ZFHX3: variants seen among roughly 807,000 people sequenced by gnomAD.
ZFHX3 encodes zinc finger homeobox protein 3.
A neutral mutation model predicts 279.1 loss-of-function variants in ZFHX3; 42 were observed. The ratio of observed to expected loss-of-function variants is 0.15; its 90% CI spans 0.12 to 0.19. The LOEUF is 0.19. ZFHX3 is among the 10% of genes least tolerant of loss of function. ZFHX3 has a pLI of 1.00. For synonymous variants in ZFHX3, 2,293 were observed against 1,957.8 expected (o/e 1.17, Z -4.52); for missense variants, 4,981 against 4,754.0 (o/e 1.05, Z -1.40).
chr16:73,805,824 T>C (rs1960261928), intron 1 of ZFHX3, among the ~76,000 whole-genome samples: 1 of 151,822 alleles, frequency 6.6e-6, no homozygotes, highest in Non-Finnish European at 1.5e-5. Flanking sequence ...AGACAGAGGG[T>C]GATGGGGGTA....
intron 3 of ZFHX3, among the ~76,000 whole-genome samples, chr16:73,375,759 A>C (rs1214808080): frequency 1.3e-5 from 2 of 152,226 alleles, no homozygotes; most frequent in African/African-American, 4.8e-5. Flanking sequence ...GACACCCAAT[A>C]GTCCCAGGAA....
chr16:73,338,183 C>T (rs1227149174), intron 3 of ZFHX3, among the ~76,000 whole-genome samples: 1 of 152,120 alleles, frequency 6.6e-6, no homozygotes, highest in African/African-American at 2.4e-5. Flanking sequence ...AAATGTATGA[C>T]CACAAGTGTC....
At chr16:72,835,181 G>C (rs1039503034) in intron 4 of ZFHX3, among the ~76,000 whole-genome samples, 2 of 152,172 alleles carry the variant, frequency 1.3e-5, no homozygotes, top group African/African-American at 4.8e-5. Flanking sequence ...GTGAAATAAA[G>C]TGCGTTTGCC....
intron 2 of ZFHX3, among the ~76,000 whole-genome samples, chr16:73,478,388 G>C (rs533928502): frequency 6.6e-6 from 1 of 152,134 alleles, no homozygotes; most frequent in South Asian, 2.1e-4. Context: ...AGCTATCCAG[G>C]CTTCTTCCCT....
At chr16:73,304,000 G>T (rs1597273383) in intron 4 of ZFHX3, among the ~76,000 whole-genome samples, 3 of 146,808 alleles carry the variant, frequency 2.0e-5, no homozygotes, top group East Asian at 2.0e-4. Flanking sequence ...AGAAATGTAG[G>T]AAAGTCATCT....
intron 7 of ZFHX3, chr16:73,127,535 A>G: frequency 7.7e-7 from 1 of 1,305,474 alleles, no homozygotes; most frequent in Non-Finnish European, 1.0e-6. Context: ...GAATGCAGAG[A>G]TGGGAGGCTT....
intron 3 of ZFHX3, among the ~76,000 whole-genome samples, chr16:73,404,390 T>C (rs1293830575): frequency 6.6e-6 from 1 of 152,178 alleles, no homozygotes; most frequent in Non-Finnish European, 1.5e-5. Context: ...TTCTACTTCC[T>C]AAAACAGGGA....
At chr16:73,837,554 A>G (rs1851818143) in intron 1 of ZFHX3, among the ~76,000 whole-genome samples, 2 of 152,234 alleles carry the variant, frequency 1.3e-5, no homozygotes, top group South Asian at 4.1e-4. Flanking sequence ...AATCACTAAC[A>G]GCACAAGAAT....
chr16:72,918,154 G>A (rs1001247890), intron 3 of ZFHX3, among the ~76,000 whole-genome samples: 13 of 152,140 alleles, frequency 8.5e-5, no homozygotes, highest in African/African-American at 2.7e-4. Flanking sequence ...GTGAGGCCTC[G>A]CCAAAAGACC....
At position 72,970,744 on chromosome 16, in the gene ZFHX3, C is replaced by T. The variant is rs141557394; in HGVS notation, c.-49-10550G>A. 7.4e-3 allele frequency among the ~76,000 whole-genome samples: 1,125 copies of T among 152,260 alleles called. 9 individuals are homozygous for T. Among genetic ancestry groups the T allele is most frequent in the Non-Finnish European group, 9.3e-3 (633 of 68,012 alleles). On this transcript the variant is annotated intron_variant, in intron 1 of 9. Coordinates refer to ENST00000268489, the MANE Select transcript of ZFHX3 (RefSeq NM_006885.4). ...GCACTCAAGGCTTTTTCATCTCCTC[C>T]CAATTTCCTCAAAGTCCCTCTCCAA...
At chr16:73,494,275 A>C (rs1436849579) in intron 2 of ZFHX3, among the ~76,000 whole-genome samples, 1 of 152,214 alleles carries the variant, frequency 6.6e-6, no homozygotes, top group African/African-American at 2.4e-5. Context: ...TACGTAAAGC[A>C]AATGGCTGCA....
Position 72,958,370 on chromosome 16 carries a change from G to T in ZFHX3, c.1776C>A (p.Asp592Glu). The T allele has an allele frequency of 6.2e-7, 1 of 1,614,064 alleles. No individual in the cohort carries two copies. The highest frequency in any genetic ancestry group is 8.5e-7 in the Non-Finnish European group (1 of 1,179,984). The change falls in exon 2 of 10, where the codon GAC (aspartate) becomes GAA (glutamate). Residue 592 changes from aspartate (D) to glutamate (E), a missense_variant. Asp to Glu is a conservative substitution (Grantham distance 45, BLOSUM62 2). Coordinates refer to ENST00000268489, the MANE Select transcript of ZFHX3 (RefSeq NM_006885.4). ...AEGGRRLDFA[D>E]ESANKDNATA... ...TGGCATTGTCTTTATTGGCACTTTC[G>T]TCAGCGAAGTCCAGCCTCCTGCCGC...
At chr16:73,291,718 T>G (rs1321273433) in intron 4 of ZFHX3, among the ~76,000 whole-genome samples, 1 of 152,192 alleles carries the variant, frequency 6.6e-6, no homozygotes, top group African/African-American at 2.4e-5. Context: ...ATGCATTACC[T>G]AGAACCTGTC....
chr16:73,871,259 C>T (rs1388783191), intron 1 of ZFHX3, among the ~76,000 whole-genome samples: 1 of 152,198 alleles, frequency 6.6e-6, no homozygotes, highest in East Asian at 1.9e-4. Context: ...CAGGAATGAG[C>T]AGGCTATTAA....
intron 2 of ZFHX3, among the ~76,000 whole-genome samples, chr16:73,512,317 G>A (rs2019446073): frequency 6.7e-6 from 1 of 150,326 alleles, no homozygotes; most frequent in Non-Finnish European, 1.5e-5. Context: ...GCATGGTGGT[G>A]CGTGTCTGTA....
intron 4 of ZFHX3, among the ~76,000 whole-genome samples, chr16:73,269,480 T>G (rs73603337): frequency 0.028 from 4,253 of 152,332 alleles, 213 homozygotes; most frequent in African/African-American, 0.097. Flanking sequence ...TCCATCTATG[T>G]TCCCTTGTGT....
At chr16:73,505,146 G>A (rs572602181) in intron 2 of ZFHX3, among the ~76,000 whole-genome samples, 112 of 152,012 alleles carry the variant, frequency 7.4e-4, no homozygotes, top group Non-Finnish European at 1.5e-3. Context: ...CATGGTTACC[G>A]GACAGCGGAA....
chr16:73,323,959 C>T (rs2015630079), intron 3 of ZFHX3, among the ~76,000 whole-genome samples: 1 of 152,192 alleles, frequency 6.6e-6, no homozygotes, highest in Non-Finnish European at 1.5e-5. Context: ...AGAAACCTTC[C>T]ATGGGAGCCA....
intron 5 of ZFHX3, among the ~76,000 whole-genome samples, chr16:73,249,342 A>G (rs1308533137): frequency 6.6e-6 from 1 of 152,234 alleles, no homozygotes; most frequent in Non-Finnish European, 1.5e-5. Flanking sequence ...CATGCTGCTA[A>G]TAAAGACATA....
Sources: gnomAD v4.1 joint callset for allele counts (sites outside exome capture counted in the v4.1 genomes callset) on GRCh38, gnomAD v4.1.1 for gene constraint, MANE v1.5 for transcripts, NCBI Gene and HGNC (gene_info 2026-07-23, HGNC 2026-07-21) for gene names.